Variants in THEMIS2 observed in about 807,000 individuals in gnomAD.
THEMIS2 encodes the protein thymocyte selection associated family member 2.
Under a neutral mutation model 46.8 loss-of-function variants are expected in THEMIS2, and 29 were observed. The ratio of observed to expected loss-of-function variants is 0.62; its 90% CI spans 0.46 to 0.84. The LOEUF (loss-of-function observed/expected upper bound fraction) is 0.84. Among genes scored for constraint, THEMIS2 ranks in the 40% least tolerant of loss-of-function variants. The pLI is 0.00. For synonymous variants in THEMIS2, 335 were observed against 349.1 expected (o/e 0.96, Z 0.45); for missense variants, 698 against 834.7 (o/e 0.84, Z 2.02).
intron 3 of THEMIS2, among the ~76,000 whole-genome samples, chr1:27,880,465 C>T (rs374140860): frequency 2.0e-5 from 3 of 152,160 alleles, no homozygotes; most frequent in Non-Finnish European, 2.9e-5. Flanking sequence ...GGATTACAGG[C>T]GTGAGCCACC....
rs1359216177 is a variant in THEMIS2, at chr1:27,875,981, C to A, written c.95-607C>A. On this transcript the variant is annotated intron_variant, in intron 1 of 5. Transcript: ENST00000373921. Reference sequence around the variant, plus strand: ...CCCCCCAAAGTGCTGGGATTACAGGCGTGAGCCACCGCGCCCAACCCTCAC... The same window carrying A: ...CCCCCCAAAGTGCTGGGATTACAGGAGTGAGCCACCGCGCCCAACCCTCAC... Among the ~76,000 whole-genome samples, 28 of 152,024 alleles carry A rather than the reference C, an allele frequency of 1.8e-4. 1 individual carries two copies.
rs771740449 is a variant in THEMIS2 at position 27,879,663 on chromosome 1, C to T, written c.255C>T (p.Asn85=). The change falls in exon 3 of 6, where the codon AAC becomes AAT. Residue 85 remains asparagine, a synonymous_variant. Transcript: ENST00000373921. ...CCACAGGCTACTTCACCCCCCTCAA[C>T]ACCCCACAGAGCTATGAAACCCTGG... ...PNFQGYFTPL[N]TPQSYETLEE... is the part of the protein sequence containing the mutation. The T allele has an allele frequency of 3.1e-5, 50 of 1,603,462 alleles. No individual in the cohort carries two copies. The Admixed American group carries it at 7.9e-4, about 25-fold the overall frequency.
chr1:27,876,926 T>C (rs1010531212), intron 2 of THEMIS2, among the ~76,000 whole-genome samples, 198 bp downstream of exon 2: 3 of 152,200 alleles, frequency 2.0e-5, no homozygotes, highest in Non-Finnish European at 4.4e-5. Context: ...TCAGAGAGGT[T>C]GCACCCTCTC....
At position 27,886,140 on chromosome 1, in the gene THEMIS2, G is replaced by A. The variant is rs760914962; in HGVS notation, c.*218G>A. 31 of 556,046 alleles carry A rather than the reference G, an allele frequency of 5.6e-5. No homozygotes were observed. The highest frequency in any genetic ancestry group is 2.2e-4 in the South Asian group (10 of 46,040). 34.4% of individuals were successfully genotyped at this position (556,046 alleles called of 1,614,324 possible). A position where few individuals can be genotyped will look rare whatever the true frequency, so the allele number is the denominator to read the frequency against. On this transcript the variant is annotated 3_prime_UTR_variant, in exon 6 of 6. Transcript: ENST00000373921. ...CGGGCTGGTTTGGACCTAACATCTC[G>A]CACGTGACTCCCTCAGCCTCAGAGC...
chr1:27,886,026 G>C lies in THEMIS2; in HGVS notation c.*104G>C. 9.3e-7 allele frequency: 1 copy of C among 1,075,752 alleles called. No homozygotes were observed. Among genetic ancestry groups the C allele is most frequent in the Non-Finnish European group, 1.4e-6 (1 of 704,820 alleles). 66.6% of individuals were successfully genotyped at this position (1,075,752 alleles called of 1,614,324 possible). A position where few individuals can be genotyped will look rare whatever the true frequency, so the allele number is the denominator to read the frequency against. On this transcript the variant is annotated 3_prime_UTR_variant, in exon 6 of 6. Transcript: ENST00000373921. ...ACCTCGGGCAAGTCTCACAGAAACT[G>C]AGCTGCAGACGGGGAGTAGCTTTGT... is the stretch of plus-strand genomic sequence containing the variant.
chr1:27,885,972 A>T lies in THEMIS2; in HGVS notation c.*50A>T, dbSNP rs754951122. ...ACTGCTGCTTCTCAGGGAATCCGAC[A>T]CCAGCCAACCATTTTAAGCCTCTAA... On this transcript the variant is annotated 3_prime_UTR_variant, in exon 6 of 6. Transcript: ENST00000373921. 2.5e-6 allele frequency: 4 copies of T among 1,580,368 alleles called. No homozygotes were observed. The highest frequency in any genetic ancestry group is 4.5e-5 in the East Asian group (2 of 44,718).
chr1:27,873,457 G>C (rs2089523278), intron 1 of THEMIS2, among the ~76,000 whole-genome samples: 1 of 152,138 alleles, frequency 6.6e-6, no homozygotes, highest in Non-Finnish European at 1.5e-5. Flanking sequence ...TGCTGTGTGG[G>C]GGTGCGGGTT....
intron 4 of THEMIS2, chr1:27,883,348 C>G (rs955124722): frequency 2.9e-6 from 1 of 349,220 alleles, no homozygotes. Context: ...GTGCTTTCCT[C>G]TCTCCACTAC....
In THEMIS2 at chr1:27,879,842, G is replaced by T. The variant is rs774829838; in HGVS notation, c.434G>T (p.Arg145Leu). 6 of 1,613,078 alleles carry T rather than the reference G, an allele frequency of 3.7e-6. No homozygotes were observed. Among genetic ancestry groups the T allele is most frequent in the South Asian group, 1.1e-5 (1 of 91,054 alleles). ...VVMHLGIRSA[R>L]CVLGMEGQQV... ...ATGCACCTCGGGATCCGCTCTGCCC[G>T]CTGTGTCCTGGGCATGGAGGGTCAG... Residue 145 changes from arginine (R) to leucine (L), a missense_variant, in exon 3 of 6, where the codon CGC becomes CTC. By Grantham distance (102) the Arg-to-Leu change is moderately radical (BLOSUM62 -2). Transcript: ENST00000373921.
intron 3 of THEMIS2, among the ~76,000 whole-genome samples, chr1:27,880,923 G>A (rs1373392763): frequency 2.6e-5 from 4 of 151,604 alleles, no homozygotes; most frequent in African/African-American, 7.3e-5. Context: ...GATTATAGGC[G>A]CCCGCCACCA....
chr1:27,877,339 T>C, intron 2 of THEMIS2, among the ~76,000 whole-genome samples: 1 of 152,022 alleles, frequency 6.6e-6, no homozygotes, highest in East Asian at 1.9e-4. Flanking sequence ...TATTTTTACT[T>C]TTTGGAGATG....
intron 5 of THEMIS2, 135 bp from the exon 6 acceptor site, chr1:27,885,732 C>T (rs746651263): frequency 8.1e-6 from 7 of 865,634 alleles, no homozygotes; most frequent in South Asian, 1.6e-5. Context: ...CAGAACAAAT[C>T]GTGGTTTCTA....
chr1:27,875,849 C>T (rs369771348), intron 1 of THEMIS2, among the ~76,000 whole-genome samples: 173 of 152,088 alleles, frequency 1.1e-3, no homozygotes, highest in African/African-American at 4.0e-3. Flanking sequence ...TACAGGTGCC[C>T]GCCACCATGC....
At chr1:27,875,139 G>C (rs1257734886) in intron 1 of THEMIS2, among the ~76,000 whole-genome samples, 1 of 151,932 alleles carries the variant, frequency 6.6e-6, no homozygotes, top group South Asian at 2.1e-4. Flanking sequence ...CCTCCACACT[G>C]GGCTAATTTT....
intron 2 of THEMIS2, among the ~76,000 whole-genome samples, chr1:27,879,046 T>C (rs140136469): frequency 0.016 from 2,413 of 151,834 alleles, 35 homozygotes; most frequent in African/African-American, 0.038. Flanking sequence ...CAGGAAAAGC[T>C]TGCTTCCCAA....
chr1:27,877,324 T>G (rs1392842142), intron 2 of THEMIS2, among the ~76,000 whole-genome samples: 1 of 152,110 alleles, frequency 6.6e-6, no homozygotes, highest in Non-Finnish European at 1.5e-5. Flanking sequence ...CTTATTATTT[T>G]TTTTTATTTT....
At chr1:27,881,259 G>A (rs534308881) in intron 3 of THEMIS2, among the ~76,000 whole-genome samples, 2 of 151,242 alleles carry the variant, frequency 1.3e-5, no homozygotes, top group Non-Finnish European at 3.0e-5. Flanking sequence ...GACCATCCTG[G>A]CTAACATGGT....
intron 1 of THEMIS2, among the ~76,000 whole-genome samples, chr1:27,874,747 A>G (rs1329527120): frequency 6.6e-6 from 1 of 152,020 alleles, no homozygotes; most frequent in Non-Finnish European, 1.5e-5. Context: ...GCACCACTGC[A>G]CTCCAGTCTG....
Position 27,886,327 on chromosome 1 carries a change from C to T in THEMIS2, c.*405C>T. 1 of 218,188 alleles carries T rather than the reference C, an allele frequency of 4.6e-6. No homozygotes were observed. The highest frequency in any genetic ancestry group is 9.3e-6 in the Non-Finnish European group (1 of 107,364). The allele number at this position is 218,188 out of a possible 1,614,324, so 13.5% of individuals were successfully genotyped here. On this transcript the variant is annotated 3_prime_UTR_variant, in exon 6 of 6. Transcript: ENST00000373921. Reference sequence around the variant, plus strand: ...GGAGATTTTGTTAACGTCTGCCACCCCCACTCTCACCCCCAAGCTCTAAGC... The same window carrying T: ...GGAGATTTTGTTAACGTCTGCCACCTCCACTCTCACCCCCAAGCTCTAAGC...
Sources: gnomAD v4.1 joint callset for allele counts (sites outside exome capture counted in the v4.1 genomes callset) on GRCh38, gnomAD v4.1.1 for gene constraint, MANE v1.5 for transcripts, NCBI Gene and HGNC (gene_info 2026-07-23, HGNC 2026-07-21) for gene names.